The following CAMK2D variants were observed in gnomAD, a reference collection of about 807,000 sequenced individuals.
The protein encoded by CAMK2D is calcium/calmodulin dependent protein kinase II delta, also known as calcium/calmodulin-dependent protein kinase type II subunit delta.
A neutral mutation model predicts 84.0 loss-of-function variants in CAMK2D; 37 were observed. The ratio of observed to expected loss-of-function variants is 0.44; its 90% CI spans 0.34 to 0.58. CAMK2D has a LOEUF of 0.58. Among genes scored for constraint, CAMK2D ranks in the 20% least tolerant of loss-of-function variants. The pLI is 0.02. For missense variants in CAMK2D, 448 were observed against 652.5 expected, an observed-to-expected ratio of 0.69 and a Z score of 3.41; for synonymous variants, 202 against 212.5, an observed-to-expected ratio of 0.95 and a Z score of 0.43.
intron 4 of CAMK2D, among the ~76,000 whole-genome samples, chr4:113,583,887 T>C (rs565009184): frequency 4.6e-4 from 70 of 152,308 alleles, no homozygotes; most frequent in African/African-American, 1.6e-3. Flanking sequence ...AGTGTCTCAG[T>C]GTTCAGTGCA....
chr4:113,693,304 C>T (rs2099393712), intron 2 of CAMK2D, among the ~76,000 whole-genome samples: 1 of 152,126 alleles, frequency 6.6e-6, no homozygotes, highest in Non-Finnish European at 1.5e-5. Flanking sequence ...GCCTGGAAGT[C>T]AAGAAAGCCA....
At chr4:113,456,564 T>C (rs2097306373) in intron 19 of CAMK2D, 1 of 152,220 alleles carries the variant, frequency 6.6e-6, no homozygotes, top group Admixed American at 6.5e-5. Flanking sequence ...ACTCATCATT[T>C]AAGATTTTGT....
chr4:113,704,187 T>C (rs975935323), intron 2 of CAMK2D, among the ~76,000 whole-genome samples: 2 of 152,074 alleles, frequency 1.3e-5, no homozygotes, highest in Admixed American at 1.3e-4. Flanking sequence ...ATATATAAGA[T>C]TATCATTTCT....
At chr4:113,558,661 A>T (rs2098682373) in intron 4 of CAMK2D, among the ~76,000 whole-genome samples, 1 of 152,126 alleles carries the variant, frequency 6.6e-6, no homozygotes, top group Non-Finnish European at 1.5e-5. Flanking sequence ...ACATATACAC[A>T]CACATACACT....
chr4:113,694,726 A>T (rs148409641), intron 2 of CAMK2D, among the ~76,000 whole-genome samples: 224 of 152,322 alleles, frequency 1.5e-3, no homozygotes, highest in African/African-American at 5.2e-3. Context: ...AAATGTCAAA[A>T]GATCAGTTTT....
intron 15 of CAMK2D, among the ~76,000 whole-genome samples, chr4:113,502,346 CA>C (rs1423954553): frequency 8.0e-5 from 12 of 150,526 alleles, no homozygotes; most frequent in Admixed American, 7.9e-4. Context: ...ACATATTTCA[CA>C]AAAAGTGAAA....
rs138698670 is a variant in CAMK2D, at chr4:113,457,343, T to C, written c.1527A>G (p.Val509=). The change falls in exon 19 of 21, where the codon GTA becomes GTG. Residue 509 remains valine, a synonymous_variant. Transcript: ENST00000511664. ...VHFHRSGSPT[V]PIKPPCIPNG... ...AGCCTGGAAATATTTACTTGATGGG[T>C]ACTGTTGGTGACCCCGAGCGATGAA... The C allele has an allele frequency of 8.9e-5, 143 of 1,613,550 alleles. No individual in the cohort carries two copies. The highest frequency in any genetic ancestry group is 1.6e-4 in the Middle Eastern group (1 of 6,076).
chr4:113,458,835 A>G (rs1291739471), intron 18 of CAMK2D, among the ~76,000 whole-genome samples: 1 of 152,194 alleles, frequency 6.6e-6, no homozygotes, highest in East Asian at 1.9e-4. Context: ...TCATTCCTAT[A>G]ATACATTTCT....
intron 2 of CAMK2D, among the ~76,000 whole-genome samples, chr4:113,703,687 T>A (rs776046478): frequency 1.3e-5 from 2 of 152,168 alleles, no homozygotes; most frequent in African/African-American, 4.8e-5. Context: ...AAAATCAAAA[T>A]TTTTTAAGTT....
At chr4:113,615,122 T>C (rs2099016000) in intron 3 of CAMK2D, among the ~76,000 whole-genome samples, 1 of 152,124 alleles carries the variant, frequency 6.6e-6, no homozygotes, top group African/African-American at 2.4e-5. Flanking sequence ...AAATGGCAGC[T>C]TGTAAGTCAG....
chr4:113,536,123 A>G (rs1311008754), intron 7 of CAMK2D, among the ~76,000 whole-genome samples: 1 of 152,244 alleles, frequency 6.6e-6, no homozygotes, highest in Non-Finnish European at 1.5e-5. Flanking sequence ...GTTAATGGGT[A>G]CAAGCTTATT....
intron 16 of CAMK2D, among the ~76,000 whole-genome samples, chr4:113,481,986 A>G (rs1327734677): frequency 1.3e-5 from 2 of 152,218 alleles, no homozygotes; most frequent in African/African-American, 4.8e-5. Flanking sequence ...TGATGCACAT[A>G]TAATAATAGG....
intron 2 of CAMK2D, among the ~76,000 whole-genome samples, chr4:113,720,716 A>C (rs2148617277): frequency 6.6e-6 from 1 of 152,114 alleles, no homozygotes; most frequent in African/African-American, 2.4e-5. Flanking sequence ...TCACAGAAAA[A>C]AAAATCCCAC....
At chr4:113,724,832 A>G (rs944712180) in intron 2 of CAMK2D, among the ~76,000 whole-genome samples, 1 of 151,966 alleles carries the variant, frequency 6.6e-6, no homozygotes, top group Non-Finnish European at 1.5e-5. Context: ...ATTTAACACT[A>G]TGATAACTTT....
chr4:113,639,531 C>T (rs1457893597), intron 3 of CAMK2D, among the ~76,000 whole-genome samples: 2 of 152,102 alleles, frequency 1.3e-5, no homozygotes, highest in East Asian at 3.9e-4. Flanking sequence ...CGCTGACTCA[C>T]TCCTTCAGCC....
intron 3 of CAMK2D, among the ~76,000 whole-genome samples, chr4:113,631,809 G>A (rs767401805): frequency 2.0e-5 from 3 of 152,152 alleles, no homozygotes; most frequent in Non-Finnish European, 2.9e-5. Context: ...GTAGATACAC[G>A]TCAACACTAA....
At chr4:113,678,868 T>A (rs1358281499) in intron 2 of CAMK2D, among the ~76,000 whole-genome samples, 1 of 152,126 alleles carries the variant, frequency 6.6e-6, no homozygotes, top group Non-Finnish European at 1.5e-5. Flanking sequence ...TGCACAATGA[T>A]CTTTCATAAA....
chr4:113,688,040 T>C (rs1219855278), intron 2 of CAMK2D, among the ~76,000 whole-genome samples: 1 of 152,200 alleles, frequency 6.6e-6, no homozygotes, highest in African/African-American at 2.4e-5. Context: ...TAAAAGCATT[T>C]AATTCTCTTG....
intron 16 of CAMK2D, among the ~76,000 whole-genome samples, chr4:113,473,031 C>T (rs1438584119): frequency 6.6e-6 from 1 of 152,156 alleles, no homozygotes; most frequent in African/African-American, 2.4e-5. Flanking sequence ...CTCTGCTGTT[C>T]AATTCACTGA....
Sources: gnomAD v4.1 joint callset for allele counts (sites outside exome capture counted in the v4.1 genomes callset) on GRCh38, gnomAD v4.1.1 for gene constraint, MANE v1.5 for transcripts, NCBI Gene and HGNC (gene_info 2026-07-23, HGNC 2026-07-21) for gene names.